The following TMEM132C variants were observed in gnomAD, a reference collection of about 807,000 sequenced individuals.
TMEM132C encodes the protein protein phosphatase 1, regulatory subunit 152.
A neutral mutation model predicts 61.4 loss-of-function variants in TMEM132C; 29 were observed. The observed-to-expected ratio is 0.47, with a 90% CI of 0.35 to 0.64. The LOEUF is 0.64. Among genes scored for constraint, TMEM132C ranks in the 30% least tolerant of loss-of-function variants. TMEM132C has a pLI of 0.00. For synonymous variants in TMEM132C, 656 were observed against 633.1 expected, an observed-to-expected ratio of 1.04 and a Z score of -0.54; for missense variants, 1,408 against 1,476.9, an observed-to-expected ratio of 0.95 and a Z score of 0.76.
At chr12:128,629,224 A>G (rs1373520833) in intron 4 of TMEM132C, among the ~76,000 whole-genome samples, 1 of 152,236 alleles carries the variant, frequency 6.6e-6, no homozygotes, top group Non-Finnish European at 1.5e-5. Context: ...AAGAATAAAA[A>G]AAAACCTGGG....
intron 8 of TMEM132C, 60 bp downstream of exon 8, chr12:128,697,475 G>A: frequency 6.9e-7 from 1 of 1,454,014 alleles, no homozygotes. Context: ...GCCTGCTTCA[G>A]CAAAGGGGCA....
At chr12:128,392,688 G>A (rs1874807572) in intron 1 of TMEM132C, among the ~76,000 whole-genome samples, 1 of 151,946 alleles carries the variant, frequency 6.6e-6, no homozygotes, top group Admixed American at 6.6e-5. Flanking sequence ...TTATTTCAGG[G>A]GTATCCAATC....
At chr12:128,621,724 C>T (rs1310528519) in intron 4 of TMEM132C, among the ~76,000 whole-genome samples, 1 of 152,216 alleles carries the variant, frequency 6.6e-6, no homozygotes, top group Non-Finnish European at 1.5e-5. Flanking sequence ...CCTCCACGCC[C>T]ACACACCTGT....
chr12:128,519,697 T>C (rs1387074288), intron 2 of TMEM132C, among the ~76,000 whole-genome samples: 1 of 152,218 alleles, frequency 6.6e-6, no homozygotes, highest in South Asian at 2.1e-4. Flanking sequence ...TCATTAATAC[T>C]TTTTCCCCTA....
chr12:128,423,650 G>C (rs545662007), intron 2 of TMEM132C, among the ~76,000 whole-genome samples: 1 of 152,088 alleles, frequency 6.6e-6, no homozygotes, highest in East Asian at 1.9e-4. Context: ...TGGGAGGATT[G>C]TGTGAACCCA....
In TMEM132C at chr12:128,415,801, C is replaced by T. The variant is rs1417583613; in HGVS notation, c.974+181C>T. 2.0e-5 allele frequency among the ~76,000 whole-genome samples: 3 copies of T among 152,092 alleles called. No homozygotes were observed. Among genetic ancestry groups the T allele is most frequent in the Non-Finnish European group, 4.4e-5 (3 of 68,026 alleles). ...ATGCTCTCAACAGCCCTCCTTACACCGTGGGTTATGGAGGGAAGAAGAGGC... is the reference window on the plus strand; with the variant it reads ...ATGCTCTCAACAGCCCTCCTTACACTGTGGGTTATGGAGGGAAGAAGAGGC... On this transcript the variant is annotated intron_variant, in intron 2 of 8. Transcript: ENST00000435159. The surrounding 1 kb of genome is among the most constrained non-coding windows in gnomAD (Gnocchi z 5.8).
intron 3 of TMEM132C, among the ~76,000 whole-genome samples, chr12:128,581,270 A>C (rs1394749403): frequency 6.7e-6 from 1 of 150,302 alleles, no homozygotes; most frequent in Non-Finnish European, 1.5e-5. Flanking sequence ...TTTTTTTTTA[A>C]TTTTTCCTTT....
intron 2 of TMEM132C, among the ~76,000 whole-genome samples, chr12:128,489,581 A>T (rs1459258734): frequency 6.7e-6 from 1 of 149,880 alleles, no homozygotes; most frequent in Non-Finnish European, 1.5e-5. Context: ...ATATATATAT[A>T]TTCTGTCCAC....
intron 3 of TMEM132C, among the ~76,000 whole-genome samples, chr12:128,597,033 C>G (rs770999690): frequency 6.6e-6 from 1 of 152,176 alleles, no homozygotes; most frequent in Admixed American, 6.5e-5. Flanking sequence ...ACAGTGCCCC[C>G]CTAGAAGTGA....
chr12:128,360,466 C>T (rs1383543765), intron 1 of TMEM132C, among the ~76,000 whole-genome samples: 4 of 152,070 alleles, frequency 2.6e-5, no homozygotes, highest in African/African-American at 7.2e-5. Flanking sequence ...GAATGCTTAA[C>T]GTTATATAGT....
intron 1 of TMEM132C, among the ~76,000 whole-genome samples, chr12:128,396,871 G>A (rs1471421165): frequency 6.6e-6 from 1 of 152,164 alleles, no homozygotes; most frequent in African/African-American, 2.4e-5. Context: ...TCTCTCCTGG[G>A]GTTTGCTGTG....
intron 1 of TMEM132C, among the ~76,000 whole-genome samples, chr12:128,351,996 G>T (rs1873350406): frequency 6.6e-6 from 1 of 152,210 alleles, no homozygotes; most frequent in Non-Finnish European, 1.5e-5. Context: ...AGGAGAGCCA[G>T]TGTTCCTGTC....
chr12:128,349,192 C>T (rs1057158114), intron 1 of TMEM132C, among the ~76,000 whole-genome samples: 4 of 152,118 alleles, frequency 2.6e-5, no homozygotes, highest in Admixed American at 6.6e-5. Context: ...TTGGTAGAGA[C>T]GGGGTTTCAC....
chr12:128,289,543 C>G (rs1180253110), intron 1 of TMEM132C, among the ~76,000 whole-genome samples: 4 of 152,184 alleles, frequency 2.6e-5, no homozygotes, highest in African/African-American at 9.7e-5. Context: ...AAAACACATG[C>G]AAGCACACAC....
At chr12:128,440,776 C>T (rs1241810878) in intron 2 of TMEM132C, among the ~76,000 whole-genome samples, 4 of 152,156 alleles carry the variant, frequency 2.6e-5, no homozygotes, top group East Asian at 1.9e-4. Context: ...CAGCCAGGCA[C>T]GTTGGCTCAC....
chr12:128,449,404 A>G (rs1870108284), intron 2 of TMEM132C, among the ~76,000 whole-genome samples: 1 of 152,290 alleles, frequency 6.6e-6, no homozygotes, highest in South Asian at 2.1e-4. Context: ...ATAGTATTTC[A>G]GTGCCTAAGT....
chr12:128,465,380 A>G (rs1735590042), intron 2 of TMEM132C, among the ~76,000 whole-genome samples: 1 of 151,972 alleles, frequency 6.6e-6, no homozygotes, highest in African/African-American at 2.4e-5. Context: ...TTGTATTTTT[A>G]GTAGAGACGG....
chr12:128,617,634 G>A (rs61940560), intron 4 of TMEM132C, among the ~76,000 whole-genome samples: 49,894 of 151,698 alleles, frequency 0.33, 8,346 homozygotes, highest in East Asian at 0.4. Context: ...GTGGAATCAG[G>A]TGGGGCAGGT....
chr12:128,682,670 A>G (rs766990922), intron 5 of TMEM132C, among the ~76,000 whole-genome samples: 2 of 152,202 alleles, frequency 1.3e-5, no homozygotes, highest in Non-Finnish European at 2.9e-5. Flanking sequence ...CGCTATTGAA[A>G]CAGAGCATCG....
Sources: gnomAD v4.1 joint callset for allele counts (sites outside exome capture counted in the v4.1 genomes callset) on GRCh38, gnomAD v4.1.1 for gene constraint, Gnocchi (gnomAD v3.1) non-coding constraint, MANE v1.5 for transcripts, NCBI Gene and HGNC (gene_info 2026-07-23, HGNC 2026-07-21) for gene names.